Variants in SLC22A2 observed in about 807,000 individuals in gnomAD.
SLC22A2 encodes solute carrier family 22 member 2.
In SLC22A2, 46 loss-of-function variants were observed where a neutral mutation model predicts 60.5. That is an observed-to-expected ratio of 0.76 (90% CI 0.60 to 0.97). The LOEUF is 0.97. SLC22A2 is among the 50% of genes least tolerant of loss of function. The pLI is 0.00. For missense variants in SLC22A2, 701 were observed against 706.6 expected, an observed-to-expected ratio of 0.99 and a Z score of 0.09; for synonymous variants, 303 against 267.0, an observed-to-expected ratio of 1.13 and a Z score of -1.31.
At chr6:160,225,230 T>G (rs1475337869) in intron 9 of SLC22A2, among the ~76,000 whole-genome samples, 1 of 152,228 alleles carries the variant, frequency 6.6e-6, no homozygotes, top group Non-Finnish European at 1.5e-5. Context: ...TCTATTACTA[T>G]GTAAGAGCAC....
intron 9 of SLC22A2, among the ~76,000 whole-genome samples, chr6:160,241,185 C>T (rs534361561): frequency 2.6e-5 from 4 of 152,234 alleles, no homozygotes; most frequent in African/African-American, 9.6e-5. Flanking sequence ...TCATTCTTCT[C>T]TTCAACATTC....
rs375096741 is a variant in SLC22A2, at chr6:160,241,487, C to A, written c.1488G>T (p.Pro496=). 3.7e-6 allele frequency: 6 copies of A among 1,610,972 alleles called. No homozygotes were observed. Among genetic ancestry groups the A allele is most frequent in the Non-Finnish European group, 5.1e-6 (6 of 1,177,368 alleles). The change falls in exon 9 of 11, where the codon CCG becomes CCT. Residue 496 remains proline, a synonymous_variant. Coordinates refer to ENST00000366953, the MANE Select transcript of SLC22A2 (RefSeq NM_003058.4). ...YRLTNIWLEL[P]LMVFGVLGLV... is the part of the protein sequence containing the mutation. ...AAGATTTCTTACCGAAAACCATCAG[C>A]GGGAGCTCAAGCCAGATGTTAGTGA... is the stretch of plus-strand genomic sequence containing the variant.
In SLC22A2 at chr6:160,258,448, C is replaced by T. The variant is rs1426011535; in HGVS notation, c.310G>A (p.Val104Met). Residue 104 changes from valine to methionine, a missense_variant, in exon 1 of 11, where the codon GTG becomes ATG. Coordinates refer to ENST00000366953, the MANE Select transcript of SLC22A2 (RefSeq NM_003058.4). Reference sequence around the variant, plus strand: ...GTGTCCAGGCTGGCCAGGGGGTCCACGCAGTCGAAGGTGCTCTGGTTCCAG... The same window carrying T: ...GTGTCCAGGCTGGCCAGGGGGTCCATGCAGTCGAAGGTGCTCTGGTTCCAG... The part of the protein sequence containing the change: ...VDWNQSTFDC[V>M]DPLASLDTNR... 8.1e-6 allele frequency: 13 copies of T among 1,614,012 alleles called. No homozygotes were observed. Among genetic ancestry groups the T allele is most frequent in the Admixed American group, 1.7e-5 (1 of 60,006 alleles).
Position 160,224,767 on chromosome 6 carries a change from C to G in SLC22A2, c.1539G>C (p.Leu513Phe), listed in dbSNP as rs371965743. 5.6e-6 allele frequency: 9 copies of G among 1,601,138 alleles called. No individual in the cohort carries two copies. In the African/African-American group the frequency reaches 9.4e-5, roughly 17 times the overall value. ...LGLVAGGLVL[L>F]LPETKGKALP... ...AAGCTTTCCCTTTAGTTTCTGGAAGCAACAGCACCAGACCTCCAGCAACCA... is the reference window on the plus strand; with the variant it reads ...AAGCTTTCCCTTTAGTTTCTGGAAGGAACAGCACCAGACCTCCAGCAACCA... Residue 513 changes from leucine (L) to phenylalanine (F), a missense_variant, in exon 10 of 11, where the codon TTG becomes TTC. Coordinates refer to ENST00000366953, the MANE Select transcript of SLC22A2 (RefSeq NM_003058.4).
chr6:160,251,388 A>G (rs1315986567), intron 2 of SLC22A2, among the ~76,000 whole-genome samples: 1 of 152,170 alleles, frequency 6.6e-6, no homozygotes, highest in Non-Finnish European at 1.5e-5. Flanking sequence ...ACTTACTATG[A>G]TGTTGGGCAA....
intron 2 of SLC22A2, among the ~76,000 whole-genome samples, chr6:160,255,417 A>G (rs544636025): frequency 2.0e-5 from 3 of 152,312 alleles, no homozygotes; most frequent in Admixed American, 6.5e-5. Flanking sequence ...AAAATAATAT[A>G]ATCAGAGAAA....
At chr6:160,245,913 G>T (rs1014015862) in intron 5 of SLC22A2, among the ~76,000 whole-genome samples, 15 of 148,498 alleles carry the variant, frequency 1.0e-4, no homozygotes, top group Non-Finnish European at 1.9e-4. Flanking sequence ...TATTGCCCAG[G>T]CTGGAGTGCA....
rs1337180989 is a variant in SLC22A2 at position 160,258,407 on chromosome 6, CA to C, written c.350del (p.Leu117ArgfsTer40). Reference protein sequence around the residue: ...LASLDTNRSRLPLGPCRDGWV... With the variant: ...LASLDTNRSRXPLGPCRDGWV... ...AGCCGTCCCGGCAGGGGCCCAGTGG[CA>C]GGCGGCTCCTGTTGGTGTCCAGGCT... On this transcript the variant is annotated frameshift_variant, in exon 1 of 11. Coordinates refer to ENST00000366953, the MANE Select transcript of SLC22A2 (RefSeq NM_003058.4). LOFTEE classifies it high-confidence loss of function. 1 of 1,613,542 alleles carries C rather than the reference CA, an allele frequency of 6.2e-7. No individual in the cohort carries two copies. Among genetic ancestry groups the C allele is most frequent in the East Asian group, 2.2e-5 (1 of 44,872 alleles).
intron 2 of SLC22A2, among the ~76,000 whole-genome samples, chr6:160,253,054 G>T (rs1783213441): frequency 6.6e-6 from 1 of 152,160 alleles, no homozygotes; most frequent in South Asian, 2.1e-4. Flanking sequence ...CAAAATTGGG[G>T]CTTAGCCTGG....
intron 8 of SLC22A2, 46 bp from the exon 9 acceptor site, chr6:160,241,632 A>T: frequency 8.3e-7 from 1 of 1,206,696 alleles, no homozygotes; most frequent in Non-Finnish European, 1.2e-6. Flanking sequence ...ATCACAGTGC[A>T]GTAGTTATCT....
intron 9 of SLC22A2, among the ~76,000 whole-genome samples, chr6:160,230,585 G>T (rs1281207304): frequency 6.6e-6 from 1 of 151,954 alleles, no homozygotes; most frequent in East Asian, 1.9e-4. Context: ...AATTAACCTT[G>T]CCTTCAAGGT....
intron 3 of SLC22A2, 116 bp from the exon 4 acceptor site, chr6:160,249,500 A>G (rs2114868835): frequency 1.3e-6 from 1 of 798,994 alleles, no homozygotes; most frequent in Non-Finnish European, 2.1e-6. Flanking sequence ...AGAATATTCT[A>G]CGCAACTCTC....
chr6:160,219,193 A>AGTAGCAACAACG (rs1782603838), intron 10 of SLC22A2, among the ~76,000 whole-genome samples: 1 of 152,238 alleles, frequency 6.6e-6, no homozygotes, highest in Non-Finnish European at 1.5e-5. Context: ...CAGCAACAAC[A>AGTAGCAACAACG]GTAGCAGCAG....
chr6:160,220,594 G>A lies in SLC22A2; in HGVS notation c.1602-3096C>T, dbSNP rs569282068. On this transcript the variant is annotated intron_variant, in intron 10 of 10. Transcript: ENST00000366953. Reference sequence around the variant, plus strand: ...AACAATCAGAGGAATTACCATCTACGGTAGCTATAGCCTTATAAAGTATAT... The same window carrying A: ...AACAATCAGAGGAATTACCATCTACAGTAGCTATAGCCTTATAAAGTATAT... Among the ~76,000 whole-genome samples the A allele has an allele frequency of 9.9e-5, 15 of 152,170 alleles. No homozygotes were observed. In the East Asian group the frequency reaches 1.3e-3, roughly 14 times the overall value.
intron 2 of SLC22A2, among the ~76,000 whole-genome samples, chr6:160,252,625 C>T (rs1426053929): frequency 6.6e-6 from 1 of 152,124 alleles, no homozygotes; most frequent in Non-Finnish European, 1.5e-5. Flanking sequence ...CTTGGTAAGT[C>T]TTTTAGCTAC....
intron 10 of SLC22A2, among the ~76,000 whole-genome samples, chr6:160,223,869 A>AGG (rs1161586762): frequency 3.9e-5 from 6 of 152,144 alleles, no homozygotes; most frequent in African/African-American, 1.4e-4. Context: ...CTGGGATTAC[A>AGG]GGCGCATACC....
At chr6:160,256,466 T>C in intron 2 of SLC22A2, 148 bp downstream of exon 2, 1 of 618,622 alleles carries the variant, frequency 1.6e-6, no homozygotes, top group Non-Finnish European at 2.9e-6. Flanking sequence ...CAGAAGAAAT[T>C]TAAGATTGTA....
intron 6 of SLC22A2, chr6:160,244,335 TC>T (rs1783058507): frequency 6.5e-6 from 1 of 153,278 alleles, no homozygotes; most frequent in Admixed American, 6.4e-5. Context: ...TGCCTCAGCC[TC>T]CCGAAATGCT....
At chr6:160,241,665 C>T (rs922687502) in intron 8 of SLC22A2, 79 bp from the exon 9 acceptor site, 24 of 869,198 alleles carry the variant, frequency 2.8e-5, no homozygotes, top group African/African-American at 1.3e-4. Flanking sequence ...TGAATAAACA[C>T]TTCCTCAAAT....
Sources: allele counts gnomAD v4.1 joint callset (sites outside exome capture counted in the v4.1 genomes callset), GRCh38; gene constraint gnomAD v4.1.1; transcripts MANE v1.5; gene names NCBI Gene and HGNC (gene_info 2026-07-23, HGNC 2026-07-21).